The following PUM2 variants were observed in gnomAD, a reference collection of about 807,000 sequenced individuals.
The protein encoded by PUM2 is pumilio RNA binding family member 2, also known as pumilio homolog 2.
In PUM2, 57 loss-of-function variants were observed where a neutral mutation model predicts 124.5. The ratio of observed to expected loss-of-function variants is 0.46; its 90% CI spans 0.37 to 0.57. PUM2 has a LOEUF of 0.57. Ranked by LOEUF, PUM2 falls within the 20% of genes least tolerant of loss-of-function variation. The pLI, the probability that PUM2 is intolerant of heterozygous loss-of-function variation, is 0.00. For missense variants in PUM2, 1,065 were observed against 1,290.6 expected (o/e 0.83, Z 2.68); for synonymous variants, 460 against 446.1 (o/e 1.03, Z -0.39).
At chr2:20,259,414 C>T (rs888866497) in intron 15 of PUM2, among the ~76,000 whole-genome samples, 1 of 152,218 alleles carries the variant, frequency 6.6e-6, no homozygotes, top group Non-Finnish European at 1.5e-5. Context: ...AACACAAATG[C>T]TGTATCCATT....
intron 10 of PUM2, 34 bp downstream of exon 10, chr2:20,290,618 C>G (rs753172177): frequency 3.2e-6 from 5 of 1,572,308 alleles, no homozygotes; most frequent in African/African-American, 1.4e-5. Context: ...CATCTGAAAT[C>G]TATTCAAATT....
rs1194206168 is a variant in PUM2, at chr2:20,326,195, T to A, written c.51+1115A>T. ...TTCAATTTTTCTTAGGGTTGAGAAT[T>A]TTACCTTATGCACTGGTCTAACAAA... On this transcript the variant is annotated intron_variant, in intron 2 of 20. Transcript: ENST00000361078. The A allele has an allele frequency of 5.0e-6, 6 of 1,196,184 alleles. No homozygotes were observed. The South Asian group carries it at 7.1e-5, about 14-fold the overall frequency. 74.1% of individuals were successfully genotyped at this position (1,196,184 alleles called of 1,614,324 possible).
At chr2:20,328,191 C>T (rs191776436) in intron 1 of PUM2, among the ~76,000 whole-genome samples, 1 of 152,294 alleles carries the variant, frequency 6.6e-6, no homozygotes, top group African/African-American at 2.4e-5. Flanking sequence ...AAAAAATTAG[C>T]TGGGTGCGGT....
Position 20,294,403 on chromosome 2 carries a change from T to C in PUM2, c.1125A>G (p.Ala375=), listed in dbSNP as rs1197334165. 5 of 1,614,058 alleles carry C rather than the reference T, an allele frequency of 3.1e-6. No homozygotes were observed. The Admixed American group carries it at 6.7e-5, about 22-fold the overall frequency. ...AANNTASQQA[A]SQAQPGQQQV... ...GTTGCTGTCCAGGCTGAGCTTGTGATGCTGCTTGCTGACTGGCTGTGTTAT... is the reference window on the plus strand; with the variant it reads ...GTTGCTGTCCAGGCTGAGCTTGTGACGCTGCTTGCTGACTGGCTGTGTTAT... The change falls in exon 9 of 21, where the codon GCA becomes GCG. Residue 375 remains alanine (A), a synonymous_variant. Coordinates refer to ENST00000361078, the MANE Select transcript of PUM2 (RefSeq NM_015317.5).
chr2:20,308,609 T>G (rs578167188), intron 5 of PUM2, 25 bp from the exon 6 acceptor site: 1 of 1,565,292 alleles, frequency 6.4e-7, no homozygotes, highest in East Asian at 2.2e-5. Context: ...TAGAAAAGCA[T>G]TATGAATAAA....
intron 10 of PUM2, among the ~76,000 whole-genome samples, chr2:20,288,196 G>C (rs570176567): frequency 2.6e-5 from 4 of 152,298 alleles, no homozygotes; most frequent in Admixed American, 2.6e-4. Flanking sequence ...CAGCCATTAA[G>C]CCAGACTGTC....
At chr2:20,327,819 A>C (rs1380699414) in intron 1 of PUM2, among the ~76,000 whole-genome samples, 3 of 152,176 alleles carry the variant, frequency 2.0e-5, no homozygotes, top group African/African-American at 7.2e-5. Flanking sequence ...CAAAGGACAC[A>C]GTCTAGAGCA....
At chr2:20,269,897 G>A (rs1162634983) in intron 13 of PUM2, among the ~76,000 whole-genome samples, 1 of 151,974 alleles carries the variant, frequency 6.6e-6, no homozygotes, top group African/African-American at 2.4e-5. Flanking sequence ...TTCATCAAGG[G>A]GAATTTAAAC....
intron 3 of PUM2, among the ~76,000 whole-genome samples, chr2:20,317,989 G>A (rs1208903964): frequency 2.0e-5 from 3 of 152,142 alleles, no homozygotes; most frequent in African/African-American, 7.2e-5. Flanking sequence ...GAATAATGCT[G>A]CTGCAAACAT....
At position 20,300,395 on chromosome 2, in the gene PUM2, C is replaced by T. The variant is rs542483765; in HGVS notation, c.884-2717G>A. Among the ~76,000 whole-genome samples the T allele has an allele frequency of 1.2e-4, 19 of 152,266 alleles. No homozygotes were observed. In the South Asian group the frequency reaches 1.7e-3, roughly 13 times the overall value. On this transcript the variant is annotated intron_variant, in intron 7 of 20. Coordinates refer to ENST00000361078, the MANE Select transcript of PUM2 (RefSeq NM_015317.5). The stretch of plus-strand genomic sequence containing the variant: ...AACTCCCGACCTCAGGTGATCCGCC[C>T]GCCTTGGCCTCCCAAAGTGCTGGGA...
At chr2:20,261,422 A>AAAAAAAAAAT (rs1666230432) in intron 14 of PUM2, among the ~76,000 whole-genome samples, 1 of 144,616 alleles carries the variant, frequency 6.9e-6, no homozygotes, top group African/African-American at 2.6e-5. Flanking sequence ...AAAAAAAAAA[A>AAAAAAAAAAT]GTGTAGTACA....
chr2:20,293,059 CTTAA>C (rs1327198920), intron 9 of PUM2, among the ~76,000 whole-genome samples: 1 of 152,100 alleles, frequency 6.6e-6, no homozygotes, highest in Non-Finnish European at 1.5e-5. Flanking sequence ...ATTCAGAAGC[CTTAA>C]TAAGAGTAAA....
rs113658730 is a variant in PUM2 at position 20,336,681 on chromosome 2, TTGTGTG to T, written c.-18-9309_-18-9304del. Among the ~76,000 whole-genome samples, 504 of 131,570 alleles carry T rather than the reference TTGTGTG, an allele frequency of 3.8e-3. 6 individuals carry two copies. Among genetic ancestry groups the T allele is most frequent in the African/African-American group, 0.014 (485 of 34,322 alleles). 86.3% of individuals were successfully genotyped at this position (131,570 alleles called of 152,430 possible). A position where few individuals can be genotyped will look rare whatever the true frequency, so the allele number is the denominator to read the frequency against. On this transcript the variant is annotated intron_variant, in intron 1 of 20. Coordinates refer to ENST00000361078, the MANE Select transcript of PUM2 (RefSeq NM_015317.5). ...ACAGGTGCCACCAGGCCTGGCTAAT[TTGTGTG>T]TGTGTGTGTGTGTGTGTGTGTGTGT... is the stretch of plus-strand genomic sequence containing the variant.
chr2:20,286,083 A>G (rs572879378), intron 10 of PUM2, among the ~76,000 whole-genome samples: 1 of 152,204 alleles, frequency 6.6e-6, no homozygotes, highest in Non-Finnish European at 1.5e-5. Flanking sequence ...GTCACTGTTA[A>G]TAACTTGAGC....
Position 20,278,814 on chromosome 2 carries a change from T to G in PUM2, c.1726A>C (p.Ser576Arg). The G allele has an allele frequency of 6.2e-7, 1 of 1,610,234 alleles. No individual in the cohort carries two copies. Among genetic ancestry groups the G allele is most frequent in the Middle Eastern group, 1.7e-4 (1 of 6,044 alleles). ...CTTGTGGCACTACTACTTGCAGAAC[T>G]GCCAACTGAAGAAGAAATAAAAAAA... ...ALSGFGSSVG[S>R]SASSSATRRE... is the part of the protein sequence containing the mutation. Residue 576 changes from serine (S) to arginine (R), a missense_variant, in exon 13 of 21, where the codon AGT becomes CGT. Ser to Arg is a moderately radical substitution (Grantham distance 110). Coordinates refer to ENST00000361078, the MANE Select transcript of PUM2 (RefSeq NM_015317.5).
Position 20,251,022 on chromosome 2 carries a change from T to TTTGC in PUM2, c.*559_*562dup, listed in dbSNP as rs1244874336. 2 of 152,660 alleles carry TTTGC rather than the reference T, an allele frequency of 1.3e-5. No individual in the cohort carries two copies. The highest frequency in any genetic ancestry group is 2.9e-5 in the Non-Finnish European group (2 of 68,022). 9.5% of individuals were successfully genotyped at this position (152,660 alleles called of 1,614,324 possible). A position where few individuals can be genotyped will look rare whatever the true frequency, so the allele number is the denominator to read the frequency against. On this transcript the variant is annotated 3_prime_UTR_variant, in exon 21 of 21. Transcript: ENST00000361078. ...TTTATTCTTGTCTACTTACTCGTTA[T>TTTGC]TTGCATGATAGTTTGTGAATTATCA...
At chr2:20,264,755 A>G (rs1024046125) in intron 13 of PUM2, among the ~76,000 whole-genome samples, 2 of 152,158 alleles carry the variant, frequency 1.3e-5, no homozygotes, top group African/African-American at 2.4e-5. Flanking sequence ...GCCACAGGGT[A>G]GAGATGGTCC....
Position 20,249,114 on chromosome 2 carries a change from G to A in PUM2, c.*2471C>T, listed in dbSNP as rs975496560. ...TGGGACAAATGGGAATGAGTATCAG[G>A]ACCCCAAGAAGAGGGTTTAGTTTCT... On this transcript the variant is annotated 3_prime_UTR_variant, in exon 21 of 21. Coordinates refer to ENST00000361078, the MANE Select transcript of PUM2 (RefSeq NM_015317.5). 1.3e-5 allele frequency: 2 copies of A among 152,218 alleles called. No individual in the cohort carries two copies. Among genetic ancestry groups the A allele is most frequent in the African/African-American group, 4.8e-5 (2 of 41,440 alleles). 9.4% of individuals were successfully genotyped at this position (152,218 alleles called of 1,614,324 possible).
intron 10 of PUM2, among the ~76,000 whole-genome samples, chr2:20,289,213 G>A (rs1400283452): frequency 6.6e-6 from 1 of 152,112 alleles, no homozygotes; most frequent in East Asian, 1.9e-4. Context: ...AGCCTAGGAG[G>A]ATCAATGAGT....
Sources: gnomAD v4.1 joint callset for allele counts (sites outside exome capture counted in the v4.1 genomes callset) on GRCh38, gnomAD v4.1.1 for gene constraint, MANE v1.5 for transcripts, NCBI Gene and HGNC (gene_info 2026-07-23, HGNC 2026-07-21) for gene names.